Variants in PIK3R3 observed in about 807,000 individuals in gnomAD.
PIK3R3 encodes the protein phosphoinositide-3-kinase regulatory subunit 3, also known as phosphatidylinositol 3-kinase regulatory subunit gamma.
A neutral mutation model predicts 62.9 loss-of-function variants in PIK3R3; 64 were observed. The observed-to-expected ratio is 1.02, with a 90% CI of 0.83 to 1.25. The LOEUF is 1.25. Among genes scored for constraint, PIK3R3 ranks in the 50% most tolerant of loss-of-function variants. The probability of loss-of-function intolerance (pLI) is 0.00; values close to 1 mark genes in which losing one functional copy is unlikely to be tolerated. For missense variants in PIK3R3, 614 were observed against 561.6 expected (o/e 1.09, Z -0.94); for synonymous variants, 165 against 189.0 (o/e 0.87, Z 1.04).
rs1336196011 is a variant in PIK3R3 at position 46,132,287 on chromosome 1, C to G, written c.-335G>C. On this transcript the variant is annotated 5_prime_UTR_variant, in exon 1 of 10. Coordinates refer to ENST00000262741, the MANE Select transcript of PIK3R3 (RefSeq NM_003629.4). Reference sequence around the variant, plus strand: ...GCTCTCCGGGGAGAAAAGCTCCCACCGCCTCCAAATCTTTCCGCGGAAGCC... The same window carrying G: ...GCTCTCCGGGGAGAAAAGCTCCCACGGCCTCCAAATCTTTCCGCGGAAGCC... 1.8e-6 allele frequency: 2 copies of G among 1,115,396 alleles called. No individual in the cohort carries two copies. The highest frequency in any genetic ancestry group is 2.2e-6 in the Non-Finnish European group (2 of 907,802). 69.1% of individuals were successfully genotyped at this position (1,115,396 alleles called of 1,614,324 possible).
chr1:46,042,362 T>A lies in PIK3R3; in HGVS notation c.*1311A>T. ...AAAGGCAAAGAGAAAAGCTTCCAGATGGCTTCTACTAACAGTCTAAACACT... is the reference window on the plus strand; with the variant it reads ...AAAGGCAAAGAGAAAAGCTTCCAGAAGGCTTCTACTAACAGTCTAAACACT... On this transcript the variant is annotated 3_prime_UTR_variant, in exon 10 of 10. Coordinates refer to ENST00000262741, the MANE Select transcript of PIK3R3 (RefSeq NM_003629.4). The surrounding 1 kb of genome is among the most constrained non-coding windows in gnomAD (Gnocchi z 4.3). 1 of 229,262 alleles carries A rather than the reference T, an allele frequency of 4.4e-6. No homozygotes were observed. Among genetic ancestry groups the A allele is most frequent in the African/African-American group, 2.2e-5 (1 of 45,220 alleles). 14.2% of individuals were successfully genotyped at this position (229,262 alleles called of 1,614,324 possible). A position where few individuals can be genotyped will look rare whatever the true frequency, so the allele number is the denominator to read the frequency against.
chr1:46,125,414 G>C (rs1655009300), intron 1 of PIK3R3, among the ~76,000 whole-genome samples: 1 of 151,884 alleles, frequency 6.6e-6, no homozygotes, highest in Non-Finnish European at 1.5e-5. Context: ...ATTTATATAA[G>C]ATGAATCCAA....
At chr1:46,047,461 A>AAAGG in intron 7 of PIK3R3, among the ~76,000 whole-genome samples, 1 of 151,334 alleles carries the variant, frequency 6.6e-6, no homozygotes, top group African/African-American at 2.4e-5. Context: ...AGAAAGAAAG[A>AAAGG]AAGAAAAGAA....
chr1:46,132,719 C>G, upstream of PIK3R3: 1 of 1,288,834 alleles, frequency 7.8e-7, no homozygotes, highest in South Asian at 1.2e-5. Flanking sequence ...GCCACCCAAC[C>G]GCGCCGGGAG....
intron 1 of PIK3R3, among the ~76,000 whole-genome samples, chr1:46,111,777 T>A (rs1653767359): frequency 6.6e-6 from 1 of 152,104 alleles, no homozygotes; most frequent in Non-Finnish European, 1.5e-5. Context: ...TGGCTATCTA[T>A]AAAATCTTTA....
intron 3 of PIK3R3, among the ~76,000 whole-genome samples, chr1:46,074,166 T>C (rs1432010976): frequency 6.7e-6 from 1 of 150,096 alleles, no homozygotes; most frequent in Non-Finnish European, 1.5e-5. Context: ...GGCGGGCGCC[T>C]GTAGTCCCAG....
At chr1:46,103,952 G>GTC (rs899255838) in intron 1 of PIK3R3, among the ~76,000 whole-genome samples, 2 of 151,274 alleles carry the variant, frequency 1.3e-5, no homozygotes, top group Admixed American at 1.3e-4. Flanking sequence ...TTGAGATGGA[G>GTC]TCTCACTCTT....
At chr1:46,142,671 C>G in the PIK3R3 span, among the ~76,000 whole-genome samples, 1 of 151,190 alleles carries the variant, frequency 6.6e-6, no homozygotes, top group Non-Finnish European at 1.5e-5. Flanking sequence ...GCACTCCAGC[C>G]TGGGCGACAC....
chr1:46,082,961 C>T (rs1236995652), intron 1 of PIK3R3, among the ~76,000 whole-genome samples: 2 of 152,094 alleles, frequency 1.3e-5, no homozygotes, highest in Admixed American at 1.3e-4. Flanking sequence ...CACCTGTAAT[C>T]CCAGCTACTC....
At chr1:46,051,164 C>T (rs986539998) in intron 7 of PIK3R3, among the ~76,000 whole-genome samples, 1 of 152,008 alleles carries the variant, frequency 6.6e-6, no homozygotes, top group Non-Finnish European at 1.5e-5. Flanking sequence ...TTGAATAATA[C>T]ACTTTAAATG....
intron 5 of PIK3R3, 56 bp downstream of exon 5, chr1:46,065,998 T>C: frequency 6.6e-7 from 1 of 1,519,812 alleles, no homozygotes; most frequent in East Asian, 2.3e-5. Context: ...GATCGAAAAT[T>C]TGATGTAACT....
intron 1 of PIK3R3, among the ~76,000 whole-genome samples, chr1:46,108,118 TAC>T (rs1401440465): frequency 4.6e-5 from 7 of 152,240 alleles, no homozygotes; most frequent in African/African-American, 9.6e-5. Flanking sequence ...TCTTGAATAT[TAC>T]AGTTATTACT....
intron 1 of PIK3R3, among the ~76,000 whole-genome samples, chr1:46,117,855 G>A (rs1654322792): frequency 6.6e-6 from 1 of 152,202 alleles, no homozygotes. Flanking sequence ...AATTGCCTGA[G>A]GCCAGGAGTT....
At position 46,132,138 on chromosome 1, in the gene PIK3R3, A is replaced by T; in HGVS notation, c.-186T>A. ...GTCCTCCCCCTCTCTCCTACAGAAC[A>T]CAACAAAATGCCCCCGAACTTTCAA... On this transcript the variant is annotated 5_prime_UTR_variant, in exon 1 of 10. Transcript: ENST00000262741. 1.4e-6 allele frequency: 2 copies of T among 1,381,608 alleles called. No individual in the cohort carries two copies. Among genetic ancestry groups the T allele is most frequent in the Non-Finnish European group, 1.9e-6 (2 of 1,069,196 alleles). The allele number at this position is 1,381,608 out of a possible 1,614,324, so 85.6% of individuals were successfully genotyped here.
chr1:46,072,424 T>C (rs1649625172), intron 3 of PIK3R3, among the ~76,000 whole-genome samples: 1 of 152,228 alleles, frequency 6.6e-6, no homozygotes, highest in African/African-American at 2.4e-5. Context: ...ATTCTTTCAT[T>C]CAAACATTTA....
chr1:46,050,293 G>A (rs1352416912), intron 7 of PIK3R3, among the ~76,000 whole-genome samples: 1 of 150,204 alleles, frequency 6.7e-6, no homozygotes, highest in Non-Finnish European at 1.5e-5. Flanking sequence ...AGCCAGGTGC[G>A]GTGGCTCATG....
At chr1:46,052,218 A>C (rs1398066272) in intron 7 of PIK3R3, among the ~76,000 whole-genome samples, 1 of 152,192 alleles carries the variant, frequency 6.6e-6, no homozygotes, top group Non-Finnish European at 1.5e-5. Flanking sequence ...AGTTATGTGA[A>C]TGTGGTCTCT....
intron 7 of PIK3R3, among the ~76,000 whole-genome samples, chr1:46,052,806 A>G (rs1647480682): frequency 6.6e-6 from 1 of 152,204 alleles, no homozygotes; most frequent in African/African-American, 2.4e-5. Flanking sequence ...CTCTCAGCAG[A>G]CAATCACATA....
intron 9 of PIK3R3, 29 bp from the exon 10 acceptor site, chr1:46,043,900 T>G (rs1647045800): frequency 6.4e-7 from 1 of 1,574,456 alleles, no homozygotes; most frequent in South Asian, 1.1e-5. Context: ...GAAGAAATGT[T>G]AAGGTAGGTA....
Sources: allele counts gnomAD v4.1 joint callset (sites outside exome capture counted in the v4.1 genomes callset), GRCh38; gene constraint gnomAD v4.1.1; non-coding constraint Gnocchi (gnomAD v3.1); transcripts MANE v1.5; gene names NCBI Gene and HGNC (gene_info 2026-07-23, HGNC 2026-07-21).